LEPR: variants seen among roughly 807,000 people sequenced by gnomAD.
The protein encoded by LEPR is OB receptor.
A neutral mutation model predicts 114.7 loss-of-function variants in LEPR; 56 were observed. That is an observed-to-expected ratio of 0.49 (90% confidence interval 0.39 to 0.61). LEPR has a LOEUF of 0.61. LEPR is among the 20% of genes least tolerant of loss of function. The pLI, the probability that LEPR is intolerant of heterozygous loss-of-function variation, is 0.00. For synonymous variants in LEPR, 443 were observed against 461.4 expected, an observed-to-expected ratio of 0.96 and a Z score of 0.51; for missense variants, 1,202 against 1,352.9, an observed-to-expected ratio of 0.89 and a Z score of 1.75.
intron 2 of LEPR, among the ~76,000 whole-genome samples, chr1:65,523,068 A>G (rs1409756274): frequency 2.0e-5 from 3 of 152,188 alleles, no homozygotes; most frequent in Non-Finnish European, 4.4e-5. Flanking sequence ...CTCCTAGCCT[A>G]GAATGTAAAT....
chr1:65,490,615 A>G (rs1647816078), intron 2 of LEPR, among the ~76,000 whole-genome samples: 1 of 152,094 alleles, frequency 6.6e-6, no homozygotes, highest in Non-Finnish European at 1.5e-5. Flanking sequence ...GAGGAAAGAG[A>G]TATTAGAAAT....
intron 2 of LEPR, among the ~76,000 whole-genome samples, chr1:65,484,390 C>G (rs1488352594): frequency 6.7e-6 from 1 of 150,142 alleles, no homozygotes; most frequent in Non-Finnish European, 1.5e-5. Flanking sequence ...GCCTCCCACA[C>G]TTTTTTTTTT....
intron 2 of LEPR, among the ~76,000 whole-genome samples, chr1:65,504,594 C>A (rs971014228): frequency 2.6e-5 from 4 of 152,138 alleles, no homozygotes; most frequent in African/African-American, 9.7e-5. Flanking sequence ...TTAAAACTGT[C>A]AAGGCCATCA....
intron 15 of LEPR, among the ~76,000 whole-genome samples, chr1:65,616,653 C>T (rs1161900105): frequency 6.6e-6 from 1 of 151,874 alleles, no homozygotes; most frequent in East Asian, 1.9e-4. Flanking sequence ...AATAGCATGA[C>T]ATGTTATATG....
At chr1:65,471,330 CA>C (rs1189856507) in intron 2 of LEPR, among the ~76,000 whole-genome samples, 1 of 152,070 alleles carries the variant, frequency 6.6e-6, no homozygotes. Flanking sequence ...GTTGTGGGGT[CA>C]GGGCATGGAA....
At chr1:65,490,790 C>T (rs1240048042) in intron 2 of LEPR, among the ~76,000 whole-genome samples, 1 of 152,106 alleles carries the variant, frequency 6.6e-6, no homozygotes, top group Non-Finnish European at 1.5e-5. Context: ...TTTGAAGCTG[C>T]AGTGCTTGTA....
chr1:65,555,104 C>G (rs1412972184), intron 2 of LEPR, among the ~76,000 whole-genome samples: 1 of 152,128 alleles, frequency 6.6e-6, no homozygotes, highest in East Asian at 1.9e-4. Flanking sequence ...CAGAAATCAC[C>G]TGCCTCCTGC....
chr1:65,611,007 T>G (rs1436487050), intron 14 of LEPR, among the ~76,000 whole-genome samples: 1 of 152,236 alleles, frequency 6.6e-6, no homozygotes. Context: ...TTGTGGTATA[T>G]AAGAATTTAT....
At chr1:65,446,185 T>C (rs1454102766) in intron 2 of LEPR, among the ~76,000 whole-genome samples, 1 of 152,228 alleles carries the variant, frequency 6.6e-6, no homozygotes, top group Non-Finnish European at 1.5e-5. Flanking sequence ...ACTGGGATTT[T>C]GTTTTCCAAA....
intron 2 of LEPR, among the ~76,000 whole-genome samples, chr1:65,544,386 AAC>A (rs1651482755): frequency 6.6e-6 from 1 of 151,970 alleles, no homozygotes; most frequent in Non-Finnish European, 1.5e-5. Context: ...GTCCTCTGCA[AAC>A]AGAGACAATT....
chr1:65,558,398 A>T (rs984226933), intron 2 of LEPR, among the ~76,000 whole-genome samples: 7 of 151,688 alleles, frequency 4.6e-5, no homozygotes, highest in Non-Finnish European at 8.8e-5. Flanking sequence ...TAAGTTGTAA[A>T]ATAAACAAAC....
chr1:65,629,414 T>A, intron 19 of LEPR: 1 of 424,626 alleles, frequency 2.4e-6, no homozygotes, highest in Non-Finnish European at 4.6e-6. Context: ...TGAATTTGCA[T>A]TGTTATGATT....
At chr1:65,611,114 AT>A (rs1159004789) in intron 14 of LEPR, among the ~76,000 whole-genome samples, 1 of 152,160 alleles carries the variant, frequency 6.6e-6, no homozygotes, top group African/African-American at 2.4e-5. Context: ...TCTTAAAATA[AT>A]TTTTTATTCT....
intron 2 of LEPR, among the ~76,000 whole-genome samples, chr1:65,546,931 T>A (rs1265980328): frequency 6.6e-6 from 1 of 152,206 alleles, no homozygotes; most frequent in Non-Finnish European, 1.5e-5. Flanking sequence ...TTCAGTATGA[T>A]ATTGGCTGTG....
intron 2 of LEPR, among the ~76,000 whole-genome samples, chr1:65,498,014 CT>C (rs1648251709): frequency 6.6e-6 from 1 of 152,120 alleles, no homozygotes; most frequent in Admixed American, 6.6e-5. Context: ...TTACTGTCCC[CT>C]GTCCCTGATA....
At chr1:65,540,618 C>T (rs1349533272) in intron 2 of LEPR, among the ~76,000 whole-genome samples, 1 of 152,148 alleles carries the variant, frequency 6.6e-6, no homozygotes, top group Non-Finnish European at 1.5e-5. Context: ...GTCTACAGGA[C>T]CATGAACCAA....
chr1:65,518,980 C>T (rs796214633), intron 2 of LEPR, among the ~76,000 whole-genome samples: 50 of 81,698 alleles, frequency 6.1e-4, no homozygotes, highest in South Asian at 2.8e-3. Context: ...TTTTCTCTCT[C>T]TCTTTCCTTC....
chr1:65,524,264 C>T (rs1211251306), intron 2 of LEPR, among the ~76,000 whole-genome samples: 1 of 152,104 alleles, frequency 6.6e-6, no homozygotes, highest in African/African-American at 2.4e-5. Context: ...AGAAACCTAC[C>T]TCAATTTTTG....
At chr1:65,483,257 C>A (rs12402567) in intron 2 of LEPR, among the ~76,000 whole-genome samples, 36,198 of 135,060 alleles carry the variant, frequency 0.27, 5,464 homozygotes, top group Non-Finnish European at 0.39. Flanking sequence ...ATTGATTTTT[C>A]TACAAATCAA....
Sources: gnomAD v4.1 joint callset for allele counts (sites outside exome capture counted in the v4.1 genomes callset) on GRCh38, gnomAD v4.1.1 for gene constraint, MANE v1.5 for transcripts, NCBI Gene and HGNC (gene_info 2026-07-23, HGNC 2026-07-21) for gene names.